TRMT5: variants seen among roughly 807,000 people sequenced by gnomAD.
The protein encoded by TRMT5 is tRNA methyltransferase 5, also known as tRNA (guanine(37)-N(1))-methyltransferase.
A neutral mutation model predicts 42.2 loss-of-function variants in TRMT5; 31 were observed. That is an observed-to-expected ratio of 0.73 (90% CI 0.55 to 0.99). The LOEUF is 0.99. Ranked by LOEUF, TRMT5 falls within the 50% of genes least tolerant of loss-of-function variation. TRMT5 has a pLI of 0.00. For synonymous variants in TRMT5, 198 were observed against 209.6 expected, an observed-to-expected ratio of 0.94 and a Z score of 0.48; for missense variants, 568 against 595.0, an observed-to-expected ratio of 0.95 and a Z score of 0.47.
chr14:60,978,368 C>A (rs2036874415), intron 2 of TRMT5, among the ~76,000 whole-genome samples: 1 of 152,108 alleles, frequency 6.6e-6, no homozygotes, highest in Non-Finnish European at 1.5e-5. Flanking sequence ...CAGCATTTGT[C>A]CCATTTCTGA....
At position 60,972,074 on chromosome 14, in the gene TRMT5, T is replaced by C. The variant is rs546371219; in HGVS notation, c.*3035A>G. 16 of 314,306 alleles carry C rather than the reference T, an allele frequency of 5.1e-5. No homozygotes were observed. Among genetic ancestry groups the C allele is most frequent in the Admixed American group, 4.1e-4 (10 of 24,130 alleles). The allele number at this position is 314,306 out of a possible 1,614,324, so 19.5% of individuals were successfully genotyped here. A position where few individuals can be genotyped will look rare whatever the true frequency, so the allele number is the denominator to read the frequency against. Reference sequence around the variant, plus strand: ...CCGTATCAATCCAGCTTCAGAGATATTCTATTAGTGACACATACCCCTTCC... The same window carrying C: ...CCGTATCAATCCAGCTTCAGAGATACTCTATTAGTGACACATACCCCTTCC... On this transcript the variant is annotated 3_prime_UTR_variant, in exon 5 of 5. Coordinates refer to ENST00000261249, the MANE Select transcript of TRMT5 (RefSeq NM_020810.3).
rs2036793655 is a variant in TRMT5, at chr14:60,972,749, C to G, written c.*2360G>C. The G allele has an allele frequency of 4.8e-6, 1 of 206,672 alleles. No individual in the cohort carries two copies. Among genetic ancestry groups the G allele is most frequent in the Non-Finnish European group, 9.8e-6 (1 of 102,540 alleles). 12.8% of individuals were successfully genotyped at this position (206,672 alleles called of 1,614,324 possible). A position where few individuals can be genotyped will look rare whatever the true frequency, so the allele number is the denominator to read the frequency against. The stretch of plus-strand genomic sequence containing the variant: ...CATTAACCATCATTAACCATTAATA[C>G]TAATGGTAATAAGATTTTACACATT... On this transcript the variant is annotated 3_prime_UTR_variant, in exon 5 of 5. Coordinates refer to ENST00000261249, the MANE Select transcript of TRMT5 (RefSeq NM_020810.3).
Position 60,972,642 on chromosome 14 carries a change from T to G in TRMT5, c.*2467A>C. On this transcript the variant is annotated 3_prime_UTR_variant, in exon 5 of 5. Coordinates refer to ENST00000261249, the MANE Select transcript of TRMT5 (RefSeq NM_020810.3). The stretch of plus-strand genomic sequence containing the variant: ...TTTGTAATGCCTTTTTTGGTGAGAA[T>G]AACATTGCCTCTAATCAGGGTTCTA... 9.5e-6 allele frequency: 3 copies of G among 316,068 alleles called. No individual in the cohort carries two copies. Among genetic ancestry groups the G allele is most frequent in the Non-Finnish European group, 1.8e-5 (3 of 162,376 alleles). The allele number at this position is 316,068 out of a possible 1,614,324, so 19.6% of individuals were successfully genotyped here. A position where few individuals can be genotyped will look rare whatever the true frequency, so the allele number is the denominator to read the frequency against.
chr14:60,981,026 C>T lies in TRMT5; in HGVS notation c.-53G>A. ...GGATCCGCGAGCCGACCCCTCACCT[C>T]CCGCTCCGGTACCGATCGGATGTGG... On this transcript the variant is annotated 5_prime_UTR_variant, in exon 1 of 5. Coordinates refer to ENST00000261249, the MANE Select transcript of TRMT5 (RefSeq NM_020810.3). 6 of 1,610,834 alleles carry T rather than the reference C, an allele frequency of 3.7e-6. No individual in the cohort carries two copies. The highest frequency in any genetic ancestry group is 5.1e-6 in the Non-Finnish European group (6 of 1,180,022).
chr14:60,981,528 C>G, upstream of TRMT5: 1 of 1,532,606 alleles, frequency 6.5e-7, no homozygotes, highest in Non-Finnish European at 8.7e-7. Context: ...TGAAGGCAGC[C>G]GCCGAGATTC....
chr14:60,981,258 G>C (rs2036985281), upstream of TRMT5: 1 of 1,584,164 alleles, frequency 6.3e-7, no homozygotes, highest in Non-Finnish European at 8.6e-7. Flanking sequence ...GATGGAACTG[G>C]TAGTCAGCTG....
At chr14:60,981,313 G>T, upstream of TRMT5, 1 of 1,610,578 alleles carries the variant, frequency 6.2e-7, no homozygotes, top group Non-Finnish European at 8.5e-7. Context: ...ACGCTGAGCG[G>T]GGCTGGTATG....
intron 2 of TRMT5, among the ~76,000 whole-genome samples, chr14:60,978,564 G>A (rs2036877139): frequency 6.6e-6 from 1 of 152,112 alleles, no homozygotes; most frequent in East Asian, 1.9e-4. Context: ...AATTACTACT[G>A]TATGAAAATG....
rs566224237 is a variant in TRMT5, at chr14:60,978,595, T to C, written c.667+636A>G. The stretch of plus-strand genomic sequence containing the variant: ...AAATGTTTCACTTTTAATGTATGAG[T>C]GCCTCTATGAAAGAAAGTTTATAAA... On this transcript the variant is annotated intron_variant, in intron 2 of 4. Transcript: ENST00000261249. Among the ~76,000 whole-genome samples the C allele has an allele frequency of 6.8e-4, 103 of 152,258 alleles. 1 individual carries two copies. Among genetic ancestry groups the C allele is most frequent in the Non-Finnish European group, 6.0e-4 (41 of 67,998 alleles).
At chr14:60,979,150 TAA>T in intron 2 of TRMT5, 79 bp downstream of exon 2, 1 of 1,281,236 alleles carries the variant, frequency 7.8e-7, no homozygotes, top group Non-Finnish European at 1.1e-6. Flanking sequence ...AACTTGGCAT[TAA>T]AAAAAATAAT....
chr14:60,978,908 T>C (rs973357712), intron 2 of TRMT5, among the ~76,000 whole-genome samples: 4 of 152,206 alleles, frequency 2.6e-5, no homozygotes, highest in Non-Finnish European at 5.9e-5. Flanking sequence ...GTATTTAACA[T>C]AGCCCTGAAG....
chr14:60,979,267 G>T lies in TRMT5; in HGVS notation c.631C>A (p.Leu211Ile). The change falls in exon 2 of 5, where the codon CTT becomes ATT. Residue 211 changes from leucine (L) to isoleucine (I), a missense_variant. Physicochemically the swap from Leu to Ile is conservative, Grantham distance 5 (BLOSUM62 2). Coordinates refer to ENST00000261249, the MANE Select transcript of TRMT5 (RefSeq NM_020810.3). ...TTGAAAGGCAGCTGATGATCTCGAA[G>T]GTTTAGGTGTGCAATATGTCCAATC... ...SRIGHIAHLN[L>I]RDHQLPFKHL... 1.9e-6 allele frequency: 3 copies of T among 1,612,848 alleles called. No homozygotes were observed. Among genetic ancestry groups the T allele is most frequent in the Non-Finnish European group, 2.5e-6 (3 of 1,179,544 alleles).
At position 60,975,469 on chromosome 14, in the gene TRMT5, G is replaced by A; in HGVS notation, c.1444+6C>T. 6.2e-7 allele frequency: 1 copy of A among 1,603,408 alleles called. No individual in the cohort carries two copies. Among genetic ancestry groups the A allele is most frequent in the Non-Finnish European group, 8.5e-7 (1 of 1,174,048 alleles). ...GTTTACATTTAATTTCCCAGAAACT[G>A]CTCACCTGGATTTCTGGTCTGGTTC... On this transcript the variant is annotated splice_donor_region_variant and intron_variant, in intron 4 of 4. Transcript: ENST00000261249.
chr14:60,981,374 C>T (rs2036998942), upstream of TRMT5: 3 of 1,600,110 alleles, frequency 1.9e-6, no homozygotes, highest in East Asian at 6.8e-5. Flanking sequence ...GAGTCCGTTG[C>T]TAAGCAACGT....
Position 60,975,706 on chromosome 14 carries a change from C to T in TRMT5, c.1213G>A (p.Gly405Arg), listed in dbSNP as rs748913709. 2 of 1,614,178 alleles carry T rather than the reference C, an allele frequency of 1.2e-6. No homozygotes were observed. Among genetic ancestry groups the T allele is most frequent in the South Asian group, 1.1e-5 (1 of 91,078 alleles). The change falls in exon 4 of 5, where the codon GGG (glycine) becomes AGG (arginine). Residue 405 changes from glycine (G) to arginine (R), a missense_variant. Gly to Arg is a moderately radical substitution (Grantham distance 125). Transcript: ENST00000261249. ...AGGAACTCACTGCTGCATGGCTGCC[C>T]ATCTAAAAGCCACTTGAAAGCACTA... ...FLSAFKWLLD[G>R]QPCSSEFLPI...
At chr14:60,979,118 T>G in intron 2 of TRMT5, 113 bp downstream of exon 2, 5 of 929,068 alleles carry the variant, frequency 5.4e-6, no homozygotes, top group Non-Finnish European at 4.8e-6. Flanking sequence ...AAAGTTAACA[T>G]GATAAAATGT....
chr14:60,977,840 A>T (rs777490266), intron 2 of TRMT5, among the ~76,000 whole-genome samples: 20 of 152,204 alleles, frequency 1.3e-4, no homozygotes, highest in Admixed American at 6.5e-5. Flanking sequence ...CACACACAAA[A>T]TGTTGGGTAC....
At chr14:60,981,526 G>A (rs1204120662), upstream of TRMT5, 3 of 1,532,584 alleles carry the variant, frequency 2.0e-6, no homozygotes, top group Non-Finnish European at 1.7e-6. Context: ...TCTGAAGGCA[G>A]CCGCCGAGAT....
chr14:60,981,569 A>G, upstream of TRMT5: 10 of 1,525,006 alleles, frequency 6.6e-6, no homozygotes, highest in Non-Finnish European at 8.8e-6. Flanking sequence ...TGAACGTGAT[A>G]GCAGCCTAGC....
Sources: allele counts gnomAD v4.1 joint callset (sites outside exome capture counted in the v4.1 genomes callset), GRCh38; gene constraint gnomAD v4.1.1; transcripts MANE v1.5; gene names NCBI Gene and HGNC (gene_info 2026-07-23, HGNC 2026-07-21).